SIPA1L3: variants seen among roughly 807,000 people sequenced by gnomAD.
SIPA1L3 encodes the protein signal induced proliferation associated 1 like 3, also known as signal-induced proliferation-associated 1-like protein 3.
In SIPA1L3, 59 loss-of-function variants were observed where a neutral mutation model predicts 150.1. The observed-to-expected ratio is 0.39, with a 90% CI of 0.32 to 0.49. The LOEUF (loss-of-function observed/expected upper bound fraction) is 0.49. Among genes scored for constraint, SIPA1L3 ranks in the 20% least tolerant of loss-of-function variants. The pLI, the probability that SIPA1L3 is intolerant of heterozygous loss-of-function variation, is 0.86. For missense variants in SIPA1L3, 2,211 were observed against 2,489.5 expected, an observed-to-expected ratio of 0.89 and a Z score of 2.38; for synonymous variants, 1,070 against 1,077.6, an observed-to-expected ratio of 0.99 and a Z score of 0.14.
intron 1 of SIPA1L3, among the ~76,000 whole-genome samples, chr19:37,921,900 G>C (rs948564596): frequency 2.6e-5 from 4 of 152,096 alleles, no homozygotes; most frequent in African/African-American, 4.8e-5. Flanking sequence ...ACCATGCCTG[G>C]CCTGTTTTTC....
Position 38,141,198 on chromosome 19 carries a change from C to A in SIPA1L3, c.3158C>A (p.Thr1053Asn), listed in dbSNP as rs1971572635. The part of the protein sequence containing the change: ...DGTPRRGWPE[T>N]YDMNTSEPKT... ...TTTCTCCCCAGGGGTTGGCCGGAGA[C>A]CTACGACATGAATACCTCGGAGCCC... Residue 1053 changes from threonine (T) to asparagine (N), a missense_variant, in exon 11 of 22, where the codon ACC becomes AAC. Coordinates refer to ENST00000222345, the MANE Select transcript of SIPA1L3 (RefSeq NM_015073.3). The A allele has an allele frequency of 6.2e-7, 1 of 1,600,710 alleles. No individual in the cohort carries two copies. The highest frequency in any genetic ancestry group is 8.5e-7 in the Non-Finnish European group (1 of 1,172,232).
intron 1 of SIPA1L3, among the ~76,000 whole-genome samples, chr19:37,934,061 A>G (rs1052598383): frequency 6.6e-6 from 1 of 152,186 alleles, no homozygotes; most frequent in African/African-American, 2.4e-5. Flanking sequence ...GGGGCTGAAC[A>G]AGTTTTAATT....
intron 1 of SIPA1L3, among the ~76,000 whole-genome samples, chr19:38,020,153 CATA>C (rs1206334314): frequency 6.6e-6 from 1 of 152,120 alleles, no homozygotes; most frequent in Non-Finnish European, 1.5e-5. Context: ...ATACTTAGTG[CATA>C]ATAAGTCTTG....
intron 1 of SIPA1L3, among the ~76,000 whole-genome samples, chr19:37,921,621 G>A (rs1402463304): frequency 6.9e-6 from 1 of 144,244 alleles, no homozygotes; most frequent in African/African-American, 2.6e-5. Flanking sequence ...TTTTTTTTGA[G>A]ACAAGGTCTT....
chr19:38,189,698 G>A (rs1446185831), intron 16 of SIPA1L3, among the ~76,000 whole-genome samples: 1 of 152,112 alleles, frequency 6.6e-6, no homozygotes, highest in Non-Finnish European at 1.5e-5. Flanking sequence ...CCTGGGAGGC[G>A]GAGGTTGCAG....
chr19:37,937,214 T>C (rs989803912), intron 1 of SIPA1L3, among the ~76,000 whole-genome samples: 1 of 152,150 alleles, frequency 6.6e-6, no homozygotes, highest in African/African-American at 2.4e-5. Context: ...GGATTAATCA[T>C]AATGCGTGGT....
intron 10 of SIPA1L3, among the ~76,000 whole-genome samples, chr19:38,131,289 G>C (rs1971300586): frequency 6.6e-6 from 1 of 152,170 alleles, no homozygotes; most frequent in African/African-American, 2.4e-5. Context: ...GTAATGAAGG[G>C]GCTGCAGCAC....
In SIPA1L3 at chr19:38,063,000, TC is replaced by T. The variant is rs1439105187; in HGVS notation, c.-310-18254del. On this transcript the variant is annotated intron_variant, in intron 2 of 21. Coordinates refer to ENST00000222345, the MANE Select transcript of SIPA1L3 (RefSeq NM_015073.3). ...GCCAATCCCAGGTTCAGATTCCGGC[TC>T]CTCCTCCCCTTCTCTTTGTGGCCCT... Among the ~76,000 whole-genome samples, 14 of 152,260 alleles carry T rather than the reference TC, an allele frequency of 9.2e-5. No homozygotes were observed. The East Asian group carries it at 2.7e-3, about 29-fold the overall frequency.
intron 4 of SIPA1L3, among the ~76,000 whole-genome samples, chr19:38,089,097 C>G (rs142250294): frequency 6.6e-6 from 1 of 152,080 alleles, no homozygotes; most frequent in East Asian, 1.9e-4. Flanking sequence ...TGGCGGGTGG[C>G]TCACTTGAGA....
At chr19:38,171,891 G>C (rs1242780728) in intron 15 of SIPA1L3, among the ~76,000 whole-genome samples, 2 of 152,170 alleles carry the variant, frequency 1.3e-5, no homozygotes, top group Non-Finnish European at 2.9e-5. Flanking sequence ...GACAGAGCAA[G>C]GCCCTGGAGG....
At chr19:38,100,460 C>A (rs1600069121) in intron 5 of SIPA1L3, among the ~76,000 whole-genome samples, 1 of 152,248 alleles carries the variant, frequency 6.6e-6, no homozygotes, top group South Asian at 2.1e-4. Context: ...CATGCTGGCT[C>A]CCTCTGCTTC....
intron 16 of SIPA1L3, among the ~76,000 whole-genome samples, chr19:38,191,817 CAAAA>C (rs200185508): frequency 6.6e-6 from 1 of 151,710 alleles, no homozygotes; most frequent in African/African-American, 2.4e-5. Flanking sequence ...TCTCAAACAA[CAAAA>C]AAAAGCCTCT....
In SIPA1L3 at chr19:38,044,583, G is replaced by A. The variant is rs556257355; in HGVS notation, c.-311+15427G>A. Among the ~76,000 whole-genome samples, 88 of 152,294 alleles carry A rather than the reference G, an allele frequency of 5.8e-4. No individual in the cohort carries two copies. In the Middle Eastern group the frequency reaches 0.024, roughly 41 times the overall value. The stretch of plus-strand genomic sequence containing the variant: ...GCAGGTTCAAGAGAGACGGGGCTTT[G>A]TTGAGGCCTGTGAAGGTGTGACTAC... On this transcript the variant is annotated intron_variant, in intron 2 of 21. Transcript: ENST00000222345.
At chr19:37,930,776 GGTT>G (rs2145498905) in intron 1 of SIPA1L3, among the ~76,000 whole-genome samples, 1 of 152,184 alleles carries the variant, frequency 6.6e-6, no homozygotes, top group East Asian at 1.9e-4. Flanking sequence ...TGTCCTCCTA[GGTT>G]GTTGGGAGGA....
At chr19:38,167,053 T>G (rs955485734) in intron 15 of SIPA1L3, among the ~76,000 whole-genome samples, 4 of 151,686 alleles carry the variant, frequency 2.6e-5, no homozygotes, top group Non-Finnish European at 4.4e-5. Context: ...GCCAACATGG[T>G]GAAACCCCAT....
chr19:38,067,729 T>A (rs2145792968), intron 2 of SIPA1L3, among the ~76,000 whole-genome samples: 1 of 149,870 alleles, frequency 6.7e-6, no homozygotes, highest in African/African-American at 2.5e-5. Flanking sequence ...GCCACTGCAC[T>A]CCAGCCTGGA....
intron 10 of SIPA1L3, 81 bp from the exon 11 acceptor site, chr19:38,141,103 G>A (rs981378545): frequency 4.6e-5 from 61 of 1,316,826 alleles, no homozygotes; most frequent in Middle Eastern, 2.0e-4. Flanking sequence ...TTTATATTGG[G>A]CCAGGAAAAC....
chr19:37,910,647 C>T (rs1399966198), intron 1 of SIPA1L3, among the ~76,000 whole-genome samples: 2 of 152,172 alleles, frequency 1.3e-5, no homozygotes, highest in African/African-American at 2.4e-5. Flanking sequence ...CTCTGTGGCC[C>T]AGGCTGGAGT....
chr19:38,028,132 C>T (rs924348953), intron 1 of SIPA1L3, among the ~76,000 whole-genome samples: 7 of 152,132 alleles, frequency 4.6e-5, no homozygotes, highest in East Asian at 3.8e-4. Context: ...GTGCCTTCTC[C>T]GCCTGGAGAC....
Sources: gnomAD v4.1 joint callset for allele counts (sites outside exome capture counted in the v4.1 genomes callset) on GRCh38, gnomAD v4.1.1 for gene constraint, MANE v1.5 for transcripts, NCBI Gene and HGNC (gene_info 2026-07-23, HGNC 2026-07-21) for gene names.